The following PNPLA1 variants were observed in gnomAD, a reference collection of about 807,000 sequenced individuals.
PNPLA1 encodes the protein omega-hydroxyceramide transacylase.
A neutral mutation model predicts 51.7 loss-of-function variants in PNPLA1; 36 were observed. The observed-to-expected ratio is 0.70, with a 90% CI of 0.53 to 0.92. The LOEUF (loss-of-function observed/expected upper bound fraction) is 0.92, where lower values mean the gene tolerates loss of function less well. Ranked by LOEUF, PNPLA1 falls within the 40% of genes least tolerant of loss-of-function variation. The pLI, the probability that PNPLA1 is intolerant of heterozygous loss-of-function variation, is 0.00. For synonymous variants in PNPLA1, 293 were observed against 280.1 expected, an observed-to-expected ratio of 1.05 and a Z score of -0.46; for missense variants, 658 against 682.5, an observed-to-expected ratio of 0.96 and a Z score of 0.40.
intron 7 of PNPLA1, among the ~76,000 whole-genome samples, chr6:36,307,138 A>C (rs543121855): frequency 2.8e-4 from 42 of 152,236 alleles, no homozygotes; most frequent in African/African-American, 9.1e-4. Flanking sequence ...GGGTTTCTCC[A>C]TGACCACAGC....
rs187272846 is a variant in PNPLA1, at chr6:36,257,797, C to T, written c.-81+14536C>T. ...TCTCTTTTGTATGGGTCACATTTTCCTGCTTCTAATGTCAAGCATCTTTGA... is the reference window on the plus strand; with the variant it reads ...TCTCTTTTGTATGGGTCACATTTTCTTGCTTCTAATGTCAAGCATCTTTGA... On this transcript the variant is annotated intron_variant, in intron 1 of 7. Transcript: ENST00000312917. Among the ~76,000 whole-genome samples the T allele has an allele frequency of 7.9e-5, 12 of 152,216 alleles. No individual in the cohort carries two copies. In the East Asian group the frequency reaches 2.1e-3, roughly 27 times the overall value.
At chr6:36,299,626 G>A (rs562157601) in intron 5 of PNPLA1, among the ~76,000 whole-genome samples, 12 of 152,256 alleles carry the variant, frequency 7.9e-5, no homozygotes, top group East Asian at 7.7e-4. Flanking sequence ...GAGCCACTGC[G>A]CCCGGCCAAC....
chr6:36,287,887 A>C (rs374487511), intron 1 of PNPLA1, among the ~76,000 whole-genome samples: 1 of 152,218 alleles, frequency 6.6e-6, no homozygotes, highest in Non-Finnish European at 1.5e-5. Context: ...AGAGAATCAG[A>C]CAACTTCCTG....
At position 36,294,375 on chromosome 6, in the gene PNPLA1, C is replaced by T. The variant is rs147133102; in HGVS notation, c.690C>T (p.His230=). ...FSLENIARMT[H]ALFPPDLVIL... is the part of the protein sequence containing the mutation. ...TGGAGAACATCGCCAGGATGACCCA[C>T]GCATTGTTCCCCCCGGACCTGGTGG... Residue 230 remains histidine (H), a synonymous_variant, in exon 4 of 9, where the codon CAC becomes CAT. Coordinates refer to ENST00000636260, the MANE Select transcript of PNPLA1 (RefSeq NM_001374623.1). The surrounding 1 kb of genome is among the most constrained non-coding windows in gnomAD (Gnocchi z 4.2). 3.8e-4 allele frequency: 617 copies of T among 1,614,002 alleles called. No individual in the cohort carries two copies. The highest frequency in any genetic ancestry group is 7.9e-4 in the African/African-American group (59 of 74,918).
rs775129702 is a variant in PNPLA1 at position 36,294,267 on chromosome 6, T to C, written c.582T>C (p.Ser194=). 11 of 1,614,212 alleles carry C rather than the reference T, an allele frequency of 6.8e-6. No individual in the cohort carries two copies. The highest frequency in any genetic ancestry group is 2.2e-5 in the East Asian group (1 of 44,886). The change falls in exon 4 of 9, where the codon AGT becomes AGC. Residue 194 remains serine, a synonymous_variant. Coordinates refer to ENST00000636260, the MANE Select transcript of PNPLA1 (RefSeq NM_001374623.1). The surrounding 1 kb of genome is among the most constrained non-coding windows in gnomAD (Gnocchi z 4.2). ...WTDAITISTF[S]GQQDICPRDC... ...ACGCCATCACCATCTCCACCTTCAGTGGGCAGCAGGACATCTGTCCCCGGG... is the reference window on the plus strand; with the variant it reads ...ACGCCATCACCATCTCCACCTTCAGCGGGCAGCAGGACATCTGTCCCCGGG...
At chr6:36,280,380 C>T (rs2127332324) in intron 1 of PNPLA1, among the ~76,000 whole-genome samples, 1 of 152,308 alleles carries the variant, frequency 6.6e-6, no homozygotes, top group Admixed American at 6.5e-5. Flanking sequence ...GCCAAACACC[C>T]TAGGATTATT....
At chr6:36,270,910 A>T (rs933439257) in intron 1 of PNPLA1, among the ~76,000 whole-genome samples, 1 of 152,068 alleles carries the variant, frequency 6.6e-6, no homozygotes, top group African/African-American at 2.4e-5. Flanking sequence ...CAGTGCCCTT[A>T]CCTGTGAGAT....
Position 36,270,709 on chromosome 6 carries a change from T to A in PNPLA1, c.205+45T>A, listed in dbSNP as rs1014445769. The A allele has an allele frequency of 2.6e-6, 4 of 1,538,072 alleles. No individual in the cohort carries two copies. The African/African-American group carries it at 5.5e-5, about 21-fold the overall frequency. ...TCCCCTGGGAAGTCTCTTGGGGGAT[T>A]CCACAGAGACAGAAGGAGCGTGAGG... On this transcript the variant is annotated intron_variant, in intron 1 of 8. Transcript: ENST00000636260.
upstream of PNPLA1, among the ~76,000 whole-genome samples, chr6:36,265,442 A>G (rs1057314208): frequency 3.3e-5 from 5 of 152,228 alleles, no homozygotes; most frequent in African/African-American, 1.2e-4. Flanking sequence ...AAGTTGGTAA[A>G]CAATTTCTAA....
At chr6:36,250,953 C>T (rs2127311167) in intron 1 of PNPLA1, among the ~76,000 whole-genome samples, 1 of 152,320 alleles carries the variant, frequency 6.6e-6, no homozygotes, top group South Asian at 2.1e-4. Context: ...CCACCTGCCT[C>T]GGCCTCCCAA....
At chr6:36,297,959 C>T (rs1037317558) in intron 5 of PNPLA1, among the ~76,000 whole-genome samples, 14 of 152,118 alleles carry the variant, frequency 9.2e-5, no homozygotes, top group African/African-American at 3.1e-4. Context: ...CATGCCCTTT[C>T]GTGATCCCTC....
At chr6:36,258,205 T>G (rs1769571116) in intron 1 of PNPLA1, among the ~76,000 whole-genome samples, 1 of 152,166 alleles carries the variant, frequency 6.6e-6, no homozygotes, top group Admixed American at 6.5e-5. Flanking sequence ...GGTTCAGAGA[T>G]TTGAGCAGAG....
At chr6:36,269,077 A>G (rs1769832373), upstream of PNPLA1, among the ~76,000 whole-genome samples, 1 of 152,198 alleles carries the variant, frequency 6.6e-6, no homozygotes, top group South Asian at 2.1e-4. Context: ...ACTCCCTCCT[A>G]ACTGAAGCCT....
chr6:36,286,603 A>T (rs1770495945), intron 1 of PNPLA1, among the ~76,000 whole-genome samples: 1 of 152,172 alleles, frequency 6.6e-6, no homozygotes, highest in South Asian at 2.1e-4. Flanking sequence ...TTAAAAAAGA[A>T]AGACTCTCTG....
chr6:36,291,411 G>A lies in PNPLA1; in HGVS notation c.297G>A (p.Met99Ile). ...PLSPSCKMVQ[M>I]MRQFLYRVLP... is the part of the protein sequence containing the mutation. ...CCCCGTCCTGTAAGATGGTGCAGAT[G>A]ATGAGGCAGTTTCTGTACCGGGTCC... The change falls in exon 2 of 9, where the codon ATG (methionine) becomes ATA (isoleucine). Residue 99 changes from methionine (M) to isoleucine (I), a missense_variant. Coordinates refer to ENST00000636260, the MANE Select transcript of PNPLA1 (RefSeq NM_001374623.1). 1 of 1,614,194 alleles carries A rather than the reference G, an allele frequency of 6.2e-7. No homozygotes were observed. Among genetic ancestry groups the A allele is most frequent in the Non-Finnish European group, 8.5e-7 (1 of 1,180,032 alleles).
At chr6:36,292,050 G>A (rs76425767) in intron 2 of PNPLA1, among the ~76,000 whole-genome samples, 6 of 152,296 alleles carry the variant, frequency 3.9e-5, no homozygotes, top group Non-Finnish European at 8.8e-5. Flanking sequence ...TCCTGAGTGC[G>A]CTGCCCTAAG....
upstream of PNPLA1, among the ~76,000 whole-genome samples, chr6:36,265,398 A>G (rs1769739954): frequency 6.6e-6 from 1 of 151,166 alleles, no homozygotes; most frequent in Non-Finnish European, 1.5e-5. Context: ...TAGGGAAGAG[A>G]AAAAAAATCT....
intron 2 of PNPLA1, 40 bp downstream of exon 2, chr6:36,291,592 C>CGGGG: frequency 1.9e-5 from 2 of 105,202 alleles, no homozygotes; most frequent in Non-Finnish European, 1.9e-5. Context: ...ACGGAGGGGG[C>CGGGG]GGGGGAGGGC....
At chr6:36,244,877 A>T (rs1210454908) in intron 1 of PNPLA1, among the ~76,000 whole-genome samples, 2 of 152,254 alleles carry the variant, frequency 1.3e-5, no homozygotes, top group Non-Finnish European at 2.9e-5. Context: ...CATTTACTGC[A>T]GGGTGCCAAG....
Sources: allele counts gnomAD v4.1 joint callset (sites outside exome capture counted in the v4.1 genomes callset), GRCh38; gene constraint gnomAD v4.1.1; non-coding constraint Gnocchi (gnomAD v3.1); transcripts MANE v1.5; gene names NCBI Gene and HGNC (gene_info 2026-07-23, HGNC 2026-07-21).